The following SOX5 variants were observed in gnomAD, a reference collection of about 807,000 sequenced individuals.
The protein encoded by SOX5 is SRY-box transcription factor 5, also known as transcription factor SOX-5.
In SOX5, 9 loss-of-function variants were observed where a neutral mutation model predicts 92.0. The observed-to-expected ratio is 0.10, with a 90% CI of 0.06 to 0.17. The LOEUF (loss-of-function observed/expected upper bound fraction) is 0.17. Ranked by LOEUF, SOX5 falls within the 10% of genes least tolerant of loss-of-function variation. The pLI is 1.00. For missense variants in SOX5, 642 were observed against 944.5 expected, an observed-to-expected ratio of 0.68 and a Z score of 4.20; for synonymous variants, 344 against 336.3, an observed-to-expected ratio of 1.02 and a Z score of -0.25.
intron 4 of SOX5, among the ~76,000 whole-genome samples, chr12:24,149,361 AAAAG>A (rs1951432114): frequency 6.6e-6 from 1 of 152,328 alleles, no homozygotes; most frequent in South Asian, 2.1e-4. Flanking sequence ...CAATAATAAA[AAAAG>A]AAATAACCCA....
rs564047060 is a variant in SOX5, at chr12:24,496,903, A to G, written c.-251+65426T>C. On this transcript the variant is annotated intron_variant, in intron 1 of 4. Transcript: ENST00000446891. ...AAGTTCTACTGGCTTCTTCCCAAGA[A>G]CAAAAGCTCATCTCCCCACTATTTG... Among the ~76,000 whole-genome samples, 3 of 152,308 alleles carry G rather than the reference A, an allele frequency of 2.0e-5. No individual in the cohort carries two copies. The South Asian group carries it at 6.2e-4, about 32-fold the overall frequency.
chr12:23,810,688 A>G (rs779514707), intron 3 of SOX5, among the ~76,000 whole-genome samples: 4 of 152,238 alleles, frequency 2.6e-5, no homozygotes, highest in Non-Finnish European at 5.9e-5. Context: ...AGATTTTAGC[A>G]GCAGGGGGCT....
chr12:24,273,378 T>C (rs1944017511), intron 3 of SOX5, among the ~76,000 whole-genome samples: 1 of 152,262 alleles, frequency 6.6e-6, no homozygotes, highest in Non-Finnish European at 1.5e-5. Context: ...TTTATAGTTA[T>C]AGAACTATTC....
intron 1 of SOX5, among the ~76,000 whole-genome samples, chr12:24,540,304 A>C (rs1952007076): frequency 8.6e-6 from 1 of 116,048 alleles, no homozygotes; most frequent in Non-Finnish European, 1.7e-5. Context: ...TGTAAAAACT[A>C]ATGCAAGGTA....
chr12:24,225,447 C>T (rs538513174), intron 3 of SOX5, among the ~76,000 whole-genome samples: 1 of 150,674 alleles, frequency 6.6e-6, no homozygotes, highest in Admixed American at 6.6e-5. Context: ...TCAGGAAAAG[C>T]CATTAGTTGA....
At chr12:23,918,329 A>C (rs982857703) in intron 1 of SOX5, among the ~76,000 whole-genome samples, 14 of 152,192 alleles carry the variant, frequency 9.2e-5, no homozygotes, top group African/African-American at 3.4e-4. Context: ...TCGGGGTAAC[A>C]ACGGCATACA....
chr12:23,714,575 C>T (rs554912011), intron 6 of SOX5, among the ~76,000 whole-genome samples: 1 of 151,958 alleles, frequency 6.6e-6, no homozygotes, highest in Non-Finnish European at 1.5e-5. Flanking sequence ...GAGCCGAGAT[C>T]GCGCCACTGT....
intron 4 of SOX5, among the ~76,000 whole-genome samples, chr12:24,012,232 G>A (rs1375267731): frequency 6.6e-6 from 1 of 152,130 alleles, no homozygotes; most frequent in African/African-American, 2.4e-5. Flanking sequence ...TCTTTCCATA[G>A]TAACACAGGC....
intron 11 of SOX5, among the ~76,000 whole-genome samples, chr12:23,557,151 CCAGA>C (rs1158008993): frequency 1.3e-5 from 2 of 152,068 alleles, no homozygotes; most frequent in Non-Finnish European, 2.9e-5. Flanking sequence ...TTTCCAAGTG[CCAGA>C]CAAACAAAAC....
chr12:23,702,736 A>C (rs1419578708), intron 6 of SOX5, among the ~76,000 whole-genome samples: 1 of 151,820 alleles, frequency 6.6e-6, no homozygotes, highest in Non-Finnish European at 1.5e-5. Flanking sequence ...AAATGAACCA[A>C]AAAGAGAAAC....
chr12:24,203,680 C>A (rs1352182994), intron 4 of SOX5, among the ~76,000 whole-genome samples: 1 of 152,116 alleles, frequency 6.6e-6, no homozygotes, highest in Non-Finnish European at 1.5e-5. Flanking sequence ...CTTAATCTCA[C>A]CCCTGTAAAA....
At chr12:23,779,788 A>T (rs979912559) in intron 3 of SOX5, among the ~76,000 whole-genome samples, 6 of 110,564 alleles carry the variant, frequency 5.4e-5, no homozygotes, top group Admixed American at 2.7e-4. Context: ...CACAGATTAA[A>T]ATATATATAT....
At chr12:23,717,092 T>C (rs2092548090) in intron 6 of SOX5, among the ~76,000 whole-genome samples, 1 of 152,214 alleles carries the variant, frequency 6.6e-6, no homozygotes, top group East Asian at 1.9e-4. Context: ...CTCAGTTTAC[T>C]TTTTAATAAA....
At chr12:23,718,503 T>G (rs2092634817) in intron 6 of SOX5, among the ~76,000 whole-genome samples, 2 of 152,194 alleles carry the variant, frequency 1.3e-5, no homozygotes, top group South Asian at 2.1e-4. Flanking sequence ...TAGGTTAACC[T>G]AAGTTGAACT....
chr12:23,589,448 C>T (rs1951208847), intron 9 of SOX5, among the ~76,000 whole-genome samples: 1 of 151,878 alleles, frequency 6.6e-6, no homozygotes, highest in Admixed American at 6.6e-5. Context: ...CCAATTAATT[C>T]ATTTATACCT....
chr12:24,474,337 C>G (rs567339015), intron 1 of SOX5, among the ~76,000 whole-genome samples: 1 of 152,250 alleles, frequency 6.6e-6, no homozygotes, highest in East Asian at 1.9e-4. Context: ...AATAACTTGG[C>G]TTACAAAGAA....
At chr12:23,538,941 C>G (rs370469698) in intron 13 of SOX5, among the ~76,000 whole-genome samples, 25 of 151,488 alleles carry the variant, frequency 1.7e-4, no homozygotes, top group African/African-American at 5.8e-4. Context: ...GCTGGGACTA[C>G]AGGCGCCCGC....
At chr12:24,436,013 A>AT (rs1939359796) in intron 1 of SOX5, among the ~76,000 whole-genome samples, 1 of 152,166 alleles carries the variant, frequency 6.6e-6, no homozygotes, top group South Asian at 2.1e-4. Flanking sequence ...GGCAAACTTA[A>AT]TTGATAGATA....
intron 4 of SOX5, among the ~76,000 whole-genome samples, chr12:23,991,195 A>C (rs1462374965): frequency 6.6e-6 from 1 of 151,644 alleles, no homozygotes; most frequent in Non-Finnish European, 1.5e-5. Flanking sequence ...CTCTGCAAAA[A>C]AAAAAAAAAC....
Sources: allele counts gnomAD v4.1 joint callset (sites outside exome capture counted in the v4.1 genomes callset), GRCh38; gene constraint gnomAD v4.1.1; transcripts MANE v1.5; gene names NCBI Gene and HGNC (gene_info 2026-07-23, HGNC 2026-07-21).